Variants in CBLN2 observed in about 807,000 individuals in gnomAD.
CBLN2 encodes the protein cerebellin 2 precursor.
A neutral mutation model predicts 15.0 loss-of-function variants in CBLN2; 7 were observed. That is an observed-to-expected ratio of 0.47 (90% CI 0.27 to 0.88). CBLN2 has a LOEUF of 0.88. Among genes scored for constraint, CBLN2 ranks in the 40% least tolerant of loss-of-function variants. The pLI, the probability that CBLN2 is intolerant of heterozygous loss-of-function variation, is 0.14. For synonymous variants in CBLN2, 149 were observed against 135.2 expected (o/e 1.10, Z -0.71); for missense variants, 242 against 304.5 (o/e 0.79, Z 1.53).
chr18:72,556,258 A>AAAAAAG (rs1216202691), intron 1 of CBLN2, among the ~76,000 whole-genome samples: 2 of 152,230 alleles, frequency 1.3e-5, no homozygotes, highest in Non-Finnish European at 2.9e-5. Flanking sequence ...ATGCAGACAC[A>AAAAAAG]AAAAAGAAAA....
At chr18:72,557,405 G>T (rs2069233383) in intron 1 of CBLN2, among the ~76,000 whole-genome samples, 1 of 152,008 alleles carries the variant, frequency 6.6e-6, no homozygotes, top group South Asian at 2.1e-4. Context: ...CCCAGTAATG[G>T]GATTGCTGAG....
At position 72,538,716 on chromosome 18, in the gene CBLN2, C is replaced by T. The variant is rs771943029; in HGVS notation, c.414G>A (p.Pro138=). 9.3e-6 allele frequency: 15 copies of T among 1,613,968 alleles called. No homozygotes were observed. The highest frequency in any genetic ancestry group is 6.7e-5 in the Admixed American group (4 of 60,000). Residue 138 remains proline (P), a synonymous_variant, in exon 4 of 5, where the codon CCG becomes CCA. Coordinates refer to ENST00000269503, the MANE Select transcript of CBLN2 (RefSeq NM_182511.4). ...AGCTGAAGCTATAAATCCCTTTTCT[C>T]GGTGCTACAAATATACTGGAAGCAA... ...FDLASSIFVA[P]RKGIYSFSFH...
chr18:72,595,429 C>T (rs2144935702), intron 1 of CBLN2, among the ~76,000 whole-genome samples: 1 of 152,108 alleles, frequency 6.6e-6, no homozygotes, highest in East Asian at 1.9e-4. Context: ...AGGCTTGTTT[C>T]GTGGTCTAAT....
chr18:72,604,586 G>A (rs1450853798), intron 1 of CBLN2, among the ~76,000 whole-genome samples: 5 of 152,278 alleles, frequency 3.3e-5, no homozygotes, highest in Admixed American at 6.5e-5. Context: ...TATAGAGAGG[G>A]GGGCCTTTTA....
At chr18:72,573,864 A>C (rs1414211804) in intron 1 of CBLN2, among the ~76,000 whole-genome samples, 1 of 152,204 alleles carries the variant, frequency 6.6e-6, no homozygotes, top group Non-Finnish European at 1.5e-5. Context: ...CTGCAACACT[A>C]TCTTCTGAAG....
chr18:72,540,292 T>G (rs1236507071), intron 3 of CBLN2: 1 of 152,234 alleles, frequency 6.6e-6, no homozygotes, highest in African/African-American at 2.4e-5. Context: ...AGCCCTGCTG[T>G]AGATGAAAGA....
At chr18:72,580,007 A>G (rs1568122827) in intron 1 of CBLN2, among the ~76,000 whole-genome samples, 1 of 152,072 alleles carries the variant, frequency 6.6e-6, no homozygotes, top group Admixed American at 6.5e-5. Flanking sequence ...CACTTCTGAA[A>G]AGAAATATGA....
intron 1 of CBLN2, among the ~76,000 whole-genome samples, chr18:72,601,348 C>T (rs2069546604): frequency 6.6e-6 from 1 of 152,042 alleles, no homozygotes; most frequent in Non-Finnish European, 1.5e-5. Flanking sequence ...TTGGAATGGA[C>T]TATTTGTGTA....
Position 72,604,779 on chromosome 18 carries a change from G to C in CBLN2, c.15+33546C>G, listed in dbSNP as rs140673688. Among the ~76,000 whole-genome samples, 46 of 152,280 alleles carry C rather than the reference G, an allele frequency of 3.0e-4. 1 individual carries two copies. In the East Asian group the frequency reaches 8.5e-3, roughly 28 times the overall value. ...CGTGATGCCCTCTGCAGAGTTCTAAGGCCCTCACCAGATGCAGGCCCTCAA... is the reference window on the plus strand; with the variant it reads ...CGTGATGCCCTCTGCAGAGTTCTAACGCCCTCACCAGATGCAGGCCCTCAA... On this transcript the variant is annotated intron_variant, in intron 1 of 2. Coordinates refer to the CBLN2 transcript ENST00000581073.
chr18:72,597,851 GC>G (rs1407147477), intron 1 of CBLN2, among the ~76,000 whole-genome samples: 1 of 152,162 alleles, frequency 6.6e-6, no homozygotes, highest in African/African-American at 2.4e-5. Context: ...GTACTGCCTG[GC>G]TGTCATCAAT....
intron 1 of CBLN2, among the ~76,000 whole-genome samples, chr18:72,617,226 A>G (rs1264960406): frequency 6.6e-6 from 1 of 152,212 alleles, no homozygotes; most frequent in African/African-American, 2.4e-5. Context: ...AGAAACATCT[A>G]TGTAATCTCT....
chr18:72,591,959 T>C (rs1226661642), intron 1 of CBLN2, among the ~76,000 whole-genome samples: 1 of 152,182 alleles, frequency 6.6e-6, no homozygotes, highest in Non-Finnish European at 1.5e-5. Flanking sequence ...GCAATAAACA[T>C]AGGCGTATAG....
chr18:72,635,489 G>A (rs2069806587), intron 1 of CBLN2, among the ~76,000 whole-genome samples: 1 of 152,030 alleles, frequency 6.6e-6, no homozygotes, highest in Non-Finnish European at 1.5e-5. Flanking sequence ...AGCACATTAT[G>A]GCTTTCTTTT....
intron 1 of CBLN2, among the ~76,000 whole-genome samples, chr18:72,580,868 C>G (rs922026456): frequency 1.2e-4 from 18 of 152,172 alleles, no homozygotes; most frequent in African/African-American, 4.1e-4. Flanking sequence ...CTCTTCTTAA[C>G]CAAACTTCAG....
rs565948216 is a variant in CBLN2 at position 72,552,179 on chromosome 18, T to C, written c.16-13407A>G. On this transcript the variant is annotated intron_variant, in intron 1 of 2. Coordinates refer to the CBLN2 transcript ENST00000581073. ...TCGGCTGACTGCAACCTCTGCCTCC[T>C]GGGTTCAAGCAATTCTACCTCAGCC... Among the ~76,000 whole-genome samples the C allele has an allele frequency of 4.6e-5, 7 of 151,916 alleles. No homozygotes were observed. The East Asian group carries it at 1.2e-3, about 25-fold the overall frequency.
At chr18:72,607,773 T>C (rs2069593094) in intron 1 of CBLN2, among the ~76,000 whole-genome samples, 1 of 152,114 alleles carries the variant, frequency 6.6e-6, no homozygotes, top group Admixed American at 6.5e-5. Context: ...TCTTTCCTTT[T>C]CAATTCAGAT....
chr18:72,610,350 T>G (rs1430593853), intron 1 of CBLN2, among the ~76,000 whole-genome samples: 1 of 152,152 alleles, frequency 6.6e-6, no homozygotes, highest in Non-Finnish European at 1.5e-5. Flanking sequence ...TTTCTTTGGG[T>G]CTTTGCTCAA....
chr18:72,561,591 T>C (rs2069261968), intron 1 of CBLN2, among the ~76,000 whole-genome samples: 1 of 152,210 alleles, frequency 6.6e-6, no homozygotes, highest in Non-Finnish European at 1.5e-5. Flanking sequence ...ACATTATTTA[T>C]TAACTTGCAC....
intron 1 of CBLN2, among the ~76,000 whole-genome samples, chr18:72,599,958 A>G (rs1317106440): frequency 6.6e-6 from 1 of 152,126 alleles, no homozygotes; most frequent in Non-Finnish European, 1.5e-5. Flanking sequence ...AAGCTTGGAG[A>G]GTGGGACTGC....
Sources: gnomAD v4.1 joint callset for allele counts (sites outside exome capture counted in the v4.1 genomes callset) on GRCh38, gnomAD v4.1.1 for gene constraint, MANE v1.5 for transcripts, NCBI Gene and HGNC (gene_info 2026-07-23, HGNC 2026-07-21) for gene names.